Variants in PCGF2 observed in about 807,000 individuals in gnomAD.
PCGF2 encodes the protein polycomb group RING finger protein 2.
A neutral mutation model predicts 36.1 loss-of-function variants in PCGF2; 8 were observed. That is an observed-to-expected ratio of 0.22 (90% confidence interval 0.13 to 0.40). The LOEUF is 0.40. Among genes scored for constraint, PCGF2 ranks in the 10% least tolerant of loss-of-function variants. The pLI is 1.00. For missense variants in PCGF2, 436 were observed against 475.9 expected, an observed-to-expected ratio of 0.92 and a Z score of 0.78; for synonymous variants, 198 against 191.2, an observed-to-expected ratio of 1.04 and a Z score of -0.29.
chr17:38,748,757 C>T (rs1177884325), upstream of PCGF2, among the ~76,000 whole-genome samples: 2 of 152,302 alleles, frequency 1.3e-5, no homozygotes, highest in African/African-American at 4.8e-5. Context: ...GTCCTCCACG[C>T]CCCGGCCTAG....
chr17:38,741,632 C>T (rs929341374), intron 2 of PCGF2, among the ~76,000 whole-genome samples: 2 of 152,172 alleles, frequency 1.3e-5, no homozygotes, highest in African/African-American at 4.8e-5. Flanking sequence ...GGAGCACCTC[C>T]CTCCTCTAAA....
At position 38,736,129 on chromosome 17, in the gene PCGF2, G is replaced by A. The variant is rs1342919089; in HGVS notation, c.618C>T (p.Tyr206=). 3.1e-6 allele frequency: 5 copies of A among 1,587,990 alleles called. No individual in the cohort carries two copies. The highest frequency in any genetic ancestry group is 1.8e-5 in the Admixed American group (1 of 55,852). The change falls in exon 10 of 11, where the codon TAC becomes TAT. Residue 206 remains tyrosine (Y), a synonymous_variant. Transcript: ENST00000620225. The part of the protein sequence containing the change: ...LYEDEPLKEY[Y]TLMDIAYIYP... ...AGATGTAGGCGATGTCCATGAGGGT[G>A]TAGTATTCCTTCAGTGGCTCGTCCT...
At chr17:38,748,971 G>A (rs1192873524), upstream of PCGF2, among the ~76,000 whole-genome samples, 1 of 152,206 alleles carries the variant, frequency 6.6e-6, no homozygotes, top group Non-Finnish European at 1.5e-5. Context: ...CTGGGCGCCT[G>A]GCAGGGAGCA....
At chr17:38,740,559 A>C (rs1317591962) in intron 2 of PCGF2, 117 bp from the exon 3 acceptor site, 9 of 650,864 alleles carry the variant, frequency 1.4e-5, no homozygotes, top group Non-Finnish European at 2.0e-5. Flanking sequence ...GGAGATTGAG[A>C]CCATCTTGAC....
In PCGF2 at chr17:38,746,928, G is replaced by T. The variant is rs547423453; in HGVS notation, c.-41+951C>A. 3.1e-3 allele frequency among the ~76,000 whole-genome samples: 465 copies of T among 152,262 alleles called. 4 individuals carry two copies. The highest frequency in any genetic ancestry group is 0.01 in the African/African-American group (436 of 41,540). On this transcript the variant is annotated intron_variant, in intron 2 of 10. Coordinates refer to ENST00000620225, the MANE Select transcript of PCGF2 (RefSeq NM_007144.3). ...CAGAGTGAAGGGGGGAGGGAGGAGA[G>T]AAATTAAAGAGTTTCAGGAACAGAA...
chr17:38,741,948 C>T (rs1598019139), intron 2 of PCGF2, among the ~76,000 whole-genome samples: 2 of 152,242 alleles, frequency 1.3e-5, no homozygotes, highest in South Asian at 2.1e-4. Context: ...GTCACTGTTA[C>T]TCTCCCACTG....
chr17:38,743,783 AC>A (rs1316808349), intron 2 of PCGF2, among the ~76,000 whole-genome samples: 1 of 151,260 alleles, frequency 6.6e-6, no homozygotes, highest in East Asian at 1.9e-4. Flanking sequence ...CCATCTCCCC[AC>A]CCCAGGAGGC....
Position 38,738,846 on chromosome 17 carries a change from T to A in PCGF2, c.332A>T (p.Asn111Ile), listed in dbSNP as rs201412419. ...YPLTEVPNGS[N>I]EDRGEVLEQE... is the part of the protein sequence containing the mutation. ...CTCCAAGACCTCGCCGCGGTCCTCA[T>A]TGGAGCCGTTGGGGACTGCAGAAGG... is the stretch of plus-strand genomic sequence containing the variant. The change falls in exon 7 of 11, where the codon AAT becomes ATT. Residue 111 changes from asparagine (N) to isoleucine (I), a missense_variant. Asn to Ile is a moderately radical substitution (Grantham distance 149, BLOSUM62 -3). Around this residue, in one of 3 missense-constraint regions of PCGF2, gnomAD observed 189 missense variants for 219.3 expected, o/e 0.86. Transcript: ENST00000620225. 3.1e-6 allele frequency: 5 copies of A among 1,613,522 alleles called. No homozygotes were observed. The highest frequency in any genetic ancestry group is 1.7e-5 in the Admixed American group (1 of 59,974).
At chr17:38,740,151 A>T (rs533737296) in intron 3 of PCGF2, 140 bp downstream of exon 3, 23 of 711,146 alleles carry the variant, frequency 3.2e-5, no homozygotes, top group African/African-American at 2.8e-4. Context: ...GCCCTCTGTG[A>T]CCTAAGGATT....
chr17:38,738,759 C>G lies in PCGF2; in HGVS notation c.419G>C (p.Gly140Ala). 6.2e-7 allele frequency: 1 copy of G among 1,613,428 alleles called. No homozygotes were observed. Among genetic ancestry groups the G allele is most frequent in the South Asian group, 1.1e-5 (1 of 91,068 alleles). Reference sequence around the variant, plus strand: ...CAGCCTGGGCCAGACTTGCCTGGCACCTTCGTAGAATTCGATGGAGAGGCT... The same window carrying G: ...CAGCCTGGGCCAGACTTGCCTGGCAGCTTCGTAGAATTCGATGGAGAGGCT... ...IVSLSIEFYE[G>A]ARDRDEKKGP... The change falls in exon 7 of 11, where the codon GGT becomes GCT. Residue 140 changes from glycine (G) to alanine (A), a missense_variant. Physicochemically the swap from Gly to Ala is moderately conservative, Grantham distance 60 (BLOSUM62 0). Coordinates refer to ENST00000620225, the MANE Select transcript of PCGF2 (RefSeq NM_007144.3).
intron 2 of PCGF2, among the ~76,000 whole-genome samples, chr17:38,743,151 T>C (rs1907312284): frequency 6.7e-6 from 1 of 149,608 alleles, no homozygotes; most frequent in South Asian, 2.1e-4. Flanking sequence ...AGTACAGTGG[T>C]GCGATCTCGG....
At chr17:38,745,336 A>C (rs962418107) in intron 2 of PCGF2, among the ~76,000 whole-genome samples, 1 of 152,070 alleles carries the variant, frequency 6.6e-6, no homozygotes, top group Non-Finnish European at 1.5e-5. Context: ...TGTCTCAAAC[A>C]AACAAACAAA....
In PCGF2 at chr17:38,739,311, G is replaced by T; in HGVS notation, c.210-58C>A. The T allele has an allele frequency of 6.7e-7, 1 of 1,488,746 alleles. No homozygotes were observed. The highest frequency in any genetic ancestry group is 2.3e-5 in the East Asian group (1 of 44,300). The allele number at this position is 1,488,746 out of a possible 1,614,324, so 92.2% of individuals were successfully genotyped here. A position where few individuals can be genotyped will look rare whatever the true frequency, so the allele number is the denominator to read the frequency against. ...GCCTTCTCCAGAGCGCTCCGACCTC[G>T]CCCTGCTCTCCCAGCCAGGGTACCC... On this transcript the variant is annotated intron_variant, in intron 4 of 10. Transcript: ENST00000620225. This position sits in a 1 kb window ranked among gnomAD's most constrained non-coding sequence, Gnocchi z 4.0.
chr17:38,746,120 G>C (rs1907520804), intron 2 of PCGF2, among the ~76,000 whole-genome samples: 1 of 151,938 alleles, frequency 6.6e-6, no homozygotes, highest in Non-Finnish European at 1.5e-5. Context: ...ACCATGCATT[G>C]AAAAGGGCCT....
intron 9 of PCGF2, among the ~76,000 whole-genome samples, chr17:38,737,207 AAT>A (rs778739268): frequency 1.3e-5 from 2 of 152,200 alleles, no homozygotes; most frequent in Non-Finnish European, 2.9e-5. Context: ...TCACACCTGT[AAT>A]CCCAGAGCTT....
intron 2 of PCGF2, among the ~76,000 whole-genome samples, chr17:38,741,102 C>T (rs1330831209): frequency 6.6e-6 from 1 of 151,780 alleles, no homozygotes; most frequent in Admixed American, 6.6e-5. Flanking sequence ...TCTTTCCAAT[C>T]CCAAGTCGGG....
At chr17:38,747,341 G>C (rs1023722997) in intron 2 of PCGF2, among the ~76,000 whole-genome samples, 6 of 152,186 alleles carry the variant, frequency 3.9e-5, no homozygotes, top group African/African-American at 1.4e-4. Context: ...AGGGGGGCCA[G>C]TTTAGCAGAT....
chr17:38,742,954 T>C (rs1330143243), intron 2 of PCGF2, among the ~76,000 whole-genome samples: 2 of 152,214 alleles, frequency 1.3e-5, no homozygotes, highest in Non-Finnish European at 2.9e-5. Flanking sequence ...GTAAATCGCA[T>C]GCCCTCATCT....
intron 2 of PCGF2, among the ~76,000 whole-genome samples, chr17:38,746,921 G>A (rs1332499487): frequency 6.6e-6 from 1 of 152,194 alleles, no homozygotes; most frequent in Non-Finnish European, 1.5e-5. Context: ...AGGGGGGAGG[G>A]AGGAGAGAAA....
Sources: allele counts gnomAD v4.1 joint callset (sites outside exome capture counted in the v4.1 genomes callset), GRCh38; gene constraint gnomAD v4.1.1; regional missense constraint gnomAD v4.1.1; non-coding constraint Gnocchi (gnomAD v3.1); transcripts MANE v1.5; gene names NCBI Gene and HGNC (gene_info 2026-07-23, HGNC 2026-07-21).